PCDHA7: variants seen among roughly 807,000 people sequenced by gnomAD.
PCDHA7 encodes protocadherin alpha 7.
In PCDHA7, 37 loss-of-function variants were observed where a neutral mutation model predicts 57.2. The ratio of observed to expected loss-of-function variants is 0.65; its 90% confidence interval spans 0.50 to 0.85. PCDHA7 has a LOEUF of 0.85. Among genes scored for constraint, PCDHA7 ranks in the 40% least tolerant of loss-of-function variants. The probability of loss-of-function intolerance (pLI) is 0.00; values close to 1 mark genes in which losing one functional copy is unlikely to be tolerated. For synonymous variants in PCDHA7, 553 were observed against 558.8 expected (o/e 0.99, Z 0.15); for missense variants, 1,188 against 1,241.8 (o/e 0.96, Z 0.65).
At chr5:140,879,137 G>A (rs1313863348) in intron 1 of PCDHA7, among the ~76,000 whole-genome samples, 2 of 152,210 alleles carry the variant, frequency 1.3e-5, no homozygotes, top group Non-Finnish European at 2.9e-5. Context: ...GGGAGATTGT[G>A]AAGGCAGGAA....
At chr5:140,972,906 C>T (rs1554234702) in intron 1 of PCDHA7, among the ~76,000 whole-genome samples, 1 of 152,048 alleles carries the variant, frequency 6.6e-6, no homozygotes, top group African/African-American at 2.4e-5. Context: ...TTGTGATCCA[C>T]CCGCCTTGGC....
At chr5:140,868,631 TTCTC>T (rs1180172037) in intron 1 of PCDHA7, 2 of 154,616 alleles carry the variant, frequency 1.3e-5, no homozygotes, top group African/African-American at 4.8e-5. Flanking sequence ...TGAATTCTCT[TTCTC>T]TCTCACTCTG....
intron 1 of PCDHA7, among the ~76,000 whole-genome samples, chr5:140,972,812 C>T (rs782305867): frequency 5.3e-5 from 8 of 151,914 alleles, no homozygotes; most frequent in East Asian, 3.9e-4. Context: ...TACAGGCACG[C>T]GCCACCACGC....
chr5:140,990,869 G>A (rs2097420316), intron 3 of PCDHA7, among the ~76,000 whole-genome samples: 3 of 152,192 alleles, frequency 2.0e-5, no homozygotes, highest in African/African-American at 4.8e-5. Context: ...TGTATTTTAA[G>A]TGTATGTTCC....
chr5:140,989,240 C>T (rs1180879985), intron 3 of PCDHA7, among the ~76,000 whole-genome samples: 1 of 152,152 alleles, frequency 6.6e-6, no homozygotes, highest in Non-Finnish European at 1.5e-5. Flanking sequence ...AAGTTTTAAG[C>T]CCCTTGTCAA....
chr5:140,946,613 T>A (rs1300820927), intron 1 of PCDHA7, among the ~76,000 whole-genome samples: 1 of 116,702 alleles, frequency 8.6e-6, no homozygotes, highest in South Asian at 2.6e-4. Context: ...AAATGTGAAA[T>A]ATATATATAT....
At chr5:140,998,881 T>C (rs892142070) in intron 3 of PCDHA7, among the ~76,000 whole-genome samples, 13 of 152,224 alleles carry the variant, frequency 8.5e-5, no homozygotes, top group Admixed American at 2.6e-4. Flanking sequence ...ATAAGTTTAG[T>C]TGAATAAATA....
chr5:140,969,529 T>C, intron 1 of PCDHA7: 1 of 1,377,800 alleles, frequency 7.3e-7, no homozygotes, highest in Non-Finnish European at 9.7e-7. Flanking sequence ...GTTTTATTTT[T>C]CATTTTCAGA....
At chr5:140,959,754 T>C (rs1265254392) in intron 1 of PCDHA7, among the ~76,000 whole-genome samples, 1 of 152,222 alleles carries the variant, frequency 6.6e-6, no homozygotes, top group East Asian at 1.9e-4. Flanking sequence ...TAAAGTATAT[T>C]TTAATATTCA....
Position 141,009,859 on chromosome 5 carries a change from G to A in PCDHA7, c.2736G>A (p.Lys912=). The A allele has an allele frequency of 1.2e-6, 2 of 1,613,884 alleles. No homozygotes were observed. Among genetic ancestry groups the A allele is most frequent in the Non-Finnish European group, 1.7e-6 (2 of 1,179,960 alleles). The part of the protein sequence containing the change: ...TFGKKEETKK[K]KKKKKGNKTQ... ...GCAAAAAGGAGGAGACCAAGAAAAA[G>A]AAGAAAAAGAAGAAGGGTAACAAGA... The change falls in exon 4 of 4, where the codon AAG becomes AAA. Residue 912 remains lysine (K), a synonymous_variant. Transcript: ENST00000525929.
At chr5:140,881,070 T>C (rs1461614506) in intron 1 of PCDHA7, among the ~76,000 whole-genome samples, 6 of 152,208 alleles carry the variant, frequency 3.9e-5, no homozygotes, top group Non-Finnish European at 8.8e-5. Flanking sequence ...CAGATAATTA[T>C]TGGAGCTATG....
At chr5:140,959,373 CA>C (rs1243465116) in intron 1 of PCDHA7, among the ~76,000 whole-genome samples, 26 of 145,126 alleles carry the variant, frequency 1.8e-4, no homozygotes, top group South Asian at 2.2e-4. Flanking sequence ...GACCCTGTCT[CA>C]AAAAAAAAAG....
chr5:140,851,638 T>C, intron 1 of PCDHA7: 1 of 915,858 alleles, frequency 1.1e-6, no homozygotes, highest in Non-Finnish European at 1.3e-6. Flanking sequence ...AAGTGTTTCC[T>C]TTCTTCAAGA....
chr5:140,894,892 G>T (rs941698896), intron 1 of PCDHA7, among the ~76,000 whole-genome samples: 8 of 152,060 alleles, frequency 5.3e-5, no homozygotes, highest in Non-Finnish European at 1.0e-4. Flanking sequence ...AACAGACCAG[G>T]ATAATTTTCC....
chr5:140,875,340 C>A, intron 1 of PCDHA7: 1 of 1,442,242 alleles, frequency 6.9e-7, no homozygotes, highest in Non-Finnish European at 9.1e-7. Flanking sequence ...AGGATCGACT[C>A]CATAATGACT....
At chr5:141,000,011 C>T (rs548995159) in intron 3 of PCDHA7, among the ~76,000 whole-genome samples, 1 of 152,166 alleles carries the variant, frequency 6.6e-6, no homozygotes, top group East Asian at 1.9e-4. Flanking sequence ...TTGGCCTCCC[C>T]ATTGCTAAGC....
intron 1 of PCDHA7, among the ~76,000 whole-genome samples, chr5:140,974,301 A>G (rs2096621600): frequency 6.6e-6 from 1 of 152,190 alleles, no homozygotes; most frequent in Non-Finnish European, 1.5e-5. Context: ...AGGAGGTACA[A>G]CTGTGAGTGA....
chr5:140,993,462 TCACACACACACA>T (rs3836747), intron 3 of PCDHA7, among the ~76,000 whole-genome samples: 1,999 of 141,038 alleles, frequency 0.014, 48 homozygotes, highest in African/African-American at 0.047. Context: ...TCTTTCTTTC[TCACACACACACA>T]CACACACACA....
chr5:140,870,409 G>T, intron 1 of PCDHA7: 1 of 1,614,226 alleles, frequency 6.2e-7, no homozygotes, highest in South Asian at 1.1e-5. Context: ...TTCTCTGTGG[G>T]CCACGGCCAG....
Sources: allele counts gnomAD v4.1 joint callset (sites outside exome capture counted in the v4.1 genomes callset), GRCh38; gene constraint gnomAD v4.1.1; transcripts MANE v1.5; gene names NCBI Gene and HGNC (gene_info 2026-07-23, HGNC 2026-07-21).